PPP1R12B: variants seen among roughly 807,000 people sequenced by gnomAD.
The protein encoded by PPP1R12B is myosin phosphatase target subunit 2.
A neutral mutation model predicts 126.1 loss-of-function variants in PPP1R12B; 76 were observed. The ratio of observed to expected loss-of-function variants is 0.60; its 90% CI spans 0.50 to 0.73. The LOEUF (loss-of-function observed/expected upper bound fraction) is 0.73. Ranked by LOEUF, PPP1R12B falls within the 30% of genes least tolerant of loss-of-function variation. The probability of loss-of-function intolerance (pLI) is 0.00; values close to 1 mark genes in which losing one functional copy is unlikely to be tolerated. For synonymous variants in PPP1R12B, 356 were observed against 434.7 expected (o/e 0.82, Z 2.25); for missense variants, 1,052 against 1,205.1 (o/e 0.87, Z 1.88).
chr1:202,411,620 G>A (rs189585620), intron 1 of PPP1R12B, among the ~76,000 whole-genome samples: 83 of 151,502 alleles, frequency 5.5e-4, no homozygotes, highest in African/African-American at 2.0e-3. Context: ...TGAGGCAGTT[G>A]CTGTGTGTTA....
intron 18 of PPP1R12B, among the ~76,000 whole-genome samples, chr1:202,542,787 T>G (rs2148965806): frequency 6.6e-6 from 1 of 152,280 alleles, no homozygotes; most frequent in Non-Finnish European, 1.5e-5. Flanking sequence ...TGCTTGAGTC[T>G]TTACAGTAAA....
chr1:202,580,400 G>C (rs926968802), intron 23 of PPP1R12B, 74 bp from the exon 24 acceptor site: 27 of 1,173,526 alleles, frequency 2.3e-5, no homozygotes, highest in Non-Finnish European at 3.1e-5. Flanking sequence ...CACCAGGCTG[G>C]CCTGGCCTGG....
intron 23 of PPP1R12B, among the ~76,000 whole-genome samples, chr1:202,573,124 G>A (rs760974517): frequency 6.6e-6 from 1 of 152,064 alleles, no homozygotes; most frequent in Non-Finnish European, 1.5e-5. Context: ...ACCAAAGAAG[G>A]GTGAGAGCCA....
chr1:202,389,415 C>T (rs1370834712), intron 1 of PPP1R12B, among the ~76,000 whole-genome samples: 3 of 151,908 alleles, frequency 2.0e-5, no homozygotes, highest in East Asian at 1.9e-4. Flanking sequence ...GAGGCTGAGG[C>T]GGGTGGATCA....
chr1:202,369,040 G>T lies in PPP1R12B; in HGVS notation c.291+19898G>T, dbSNP rs563318532. On this transcript the variant is annotated intron_variant, in intron 1 of 23. Coordinates refer to ENST00000608999, the MANE Select transcript of PPP1R12B (RefSeq NM_002481.4). ...GCCAAGGAACCATTTTAGACACAGA[G>T]AATTCTAATTAAATTGACATAGTTA... 2.6e-5 allele frequency among the ~76,000 whole-genome samples: 4 copies of T among 152,328 alleles called. No individual in the cohort carries two copies. In the East Asian group the frequency reaches 7.7e-4, roughly 29 times the overall value.
In PPP1R12B at chr1:202,584,470, A is replaced by T. The variant is rs940550696; in HGVS notation, c.*3910A>T. 6.6e-6 allele frequency: 1 copy of T among 152,240 alleles called. No individual in the cohort carries two copies. The highest frequency in any genetic ancestry group is 2.4e-5 in the African/African-American group (1 of 41,464). The allele number at this position is 152,240 out of a possible 1,614,324, so 9.4% of individuals were successfully genotyped here. On this transcript the variant is annotated 3_prime_UTR_variant, in exon 24 of 24. Coordinates refer to ENST00000608999, the MANE Select transcript of PPP1R12B (RefSeq NM_002481.4). ...TGTGTAAACTACTGACTGTTTCTCC[A>T]CTAGAGGCATTTAATTGAGCCAAAG...
intron 1 of PPP1R12B, among the ~76,000 whole-genome samples, chr1:202,414,896 C>T (rs1483666588): frequency 6.6e-6 from 1 of 152,152 alleles, no homozygotes; most frequent in Non-Finnish European, 1.5e-5. Flanking sequence ...CATCCTCCCA[C>T]CTTAGCCTCC....
At chr1:202,499,392 G>C (rs562805954) in intron 18 of PPP1R12B, among the ~76,000 whole-genome samples, 1 of 152,202 alleles carries the variant, frequency 6.6e-6, no homozygotes, top group Admixed American at 6.5e-5. Flanking sequence ...GTAGCTGGGA[G>C]TACAGGCACA....
chr1:202,462,316 G>A (rs1206443694), intron 13 of PPP1R12B, among the ~76,000 whole-genome samples: 8 of 152,120 alleles, frequency 5.3e-5, no homozygotes, highest in Admixed American at 1.3e-4. Flanking sequence ...TCTTTTTTCC[G>A]TATTTCTGTT....
chr1:202,418,445 G>A (rs980344762), intron 2 of PPP1R12B, among the ~76,000 whole-genome samples: 2 of 151,024 alleles, frequency 1.3e-5, no homozygotes, highest in African/African-American at 4.8e-5. Flanking sequence ...TGTGTGTGAA[G>A]CTAAATACAG....
At position 202,587,824 on chromosome 1, in the gene PPP1R12B, C is replaced by T. The variant is rs1689914067; in HGVS notation, c.*7264C>T. The T allele has an allele frequency of 6.6e-6, 1 of 152,178 alleles. No individual in the cohort carries two copies. The highest frequency in any genetic ancestry group is 6.5e-5 in the Admixed American group (1 of 15,280). The allele number at this position is 152,178 out of a possible 1,614,324, so 9.4% of individuals were successfully genotyped here. A position where few individuals can be genotyped will look rare whatever the true frequency, so the allele number is the denominator to read the frequency against. On this transcript the variant is annotated 3_prime_UTR_variant, in exon 24 of 24. Coordinates refer to ENST00000608999, the MANE Select transcript of PPP1R12B (RefSeq NM_002481.4). ...GAAACCCGGAACAGATTCCCGCTTGCCTTCTGATGAAGAGAGGTTAGGTAA... is the reference window on the plus strand; with the variant it reads ...GAAACCCGGAACAGATTCCCGCTTGTCTTCTGATGAAGAGAGGTTAGGTAA...
At chr1:202,537,329 G>A (rs1356351263) in intron 18 of PPP1R12B, among the ~76,000 whole-genome samples, 1 of 151,886 alleles carries the variant, frequency 6.6e-6, no homozygotes, top group African/African-American at 2.4e-5. Flanking sequence ...ACTCCAGCCT[G>A]GGCGACAGAC....
At chr1:202,561,170 A>G (rs1428911273) in intron 19 of PPP1R12B, among the ~76,000 whole-genome samples, 1 of 152,140 alleles carries the variant, frequency 6.6e-6, no homozygotes, top group Non-Finnish European at 1.5e-5. Flanking sequence ...GATTGTTCAT[A>G]ATGATTTTAA....
Position 202,419,698 on chromosome 1 carries a change from T to C in PPP1R12B, c.422+2781T>C, listed in dbSNP as rs1337187863. Among the ~76,000 whole-genome samples the C allele has an allele frequency of 6.6e-6, 1 of 152,138 alleles. No individual in the cohort carries two copies. Among genetic ancestry groups the C allele is most frequent in the East Asian group, 1.9e-4 (1 of 5,190 alleles). ...AAGATATTTCATGTAATTCAAGCAA[T>C]ATTTATGGAATACCAAGAGGAAAAA... On this transcript the variant is annotated intron_variant, in intron 2 of 23. Coordinates refer to ENST00000608999, the MANE Select transcript of PPP1R12B (RefSeq NM_002481.4). The surrounding 1 kb of genome is among the most constrained non-coding windows in gnomAD (Gnocchi z 4.6).
intron 13 of PPP1R12B, among the ~76,000 whole-genome samples, chr1:202,463,891 C>A (rs1428408377): frequency 1.3e-5 from 2 of 152,102 alleles, no homozygotes; most frequent in African/African-American, 4.8e-5. Context: ...TTTTTCTTAT[C>A]CCTTTCTCTC....
chr1:202,530,495 C>G (rs1683820395), intron 18 of PPP1R12B, among the ~76,000 whole-genome samples: 1 of 152,130 alleles, frequency 6.6e-6, no homozygotes, highest in African/African-American at 2.4e-5. Context: ...AATTTAATTG[C>G]AAAATACTAA....
intron 1 of PPP1R12B, among the ~76,000 whole-genome samples, chr1:202,413,213 G>T (rs1413733794): frequency 2.0e-5 from 3 of 151,914 alleles, no homozygotes; most frequent in Non-Finnish European, 2.9e-5. Context: ...TGTAAAAGAA[G>T]TATCAAATAT....
chr1:202,398,928 G>A (rs2148552823), intron 1 of PPP1R12B, among the ~76,000 whole-genome samples: 1 of 152,026 alleles, frequency 6.6e-6, no homozygotes, highest in Middle Eastern at 3.4e-3. Context: ...TTGTTATATT[G>A]GTGGAAATTT....
chr1:202,473,992 G>A (rs1207508855), intron 13 of PPP1R12B: 2 of 528,572 alleles, frequency 3.8e-6, no homozygotes, highest in Admixed American at 3.9e-5. Context: ...GTCAAAGGGG[G>A]CAGAGGGAAA....
Sources: gnomAD v4.1 joint callset for allele counts (sites outside exome capture counted in the v4.1 genomes callset) on GRCh38, gnomAD v4.1.1 for gene constraint, Gnocchi (gnomAD v3.1) non-coding constraint, MANE v1.5 for transcripts, NCBI Gene and HGNC (gene_info 2026-07-23, HGNC 2026-07-21) for gene names.